Variants in PNMA6E observed in about 807,000 individuals in gnomAD.
The protein encoded by PNMA6E is PNMA family member 6E.
For synonymous variants in PNMA6E, 43 were observed against 17.1 expected, an observed-to-expected ratio of 2.52 and a Z score of -3.74; for missense variants, 78 against 50.8, an observed-to-expected ratio of 1.53 and a Z score of -1.63.
chrX:153,402,752 C>G (rs781944866), upstream of PNMA6E, among the ~76,000 whole-genome samples: 1 of 93,143 alleles, frequency 1.1e-5, no homozygotes, highest in Non-Finnish European at 2.1e-5. Context: ...TCATGTATCT[C>G]GAAACATCCT....
chrX:153,400,287 C>T (rs1383234874), intron 1 of PNMA6E, among the ~76,000 whole-genome samples: 1 of 112,522 alleles, frequency 8.9e-6, no homozygotes, highest in East Asian at 2.8e-4. Context: ...ACGCCGACAG[C>T]CTCCAGGGGG....
chrX:153,408,862 C>T, the PNMA6E span, among the ~76,000 whole-genome samples: 4 of 112,889 alleles, frequency 3.5e-5, no homozygotes, highest in African/African-American at 1.3e-4. Context: ...CACAGCCCAG[C>T]TGACCCCTGG....
intron 1 of PNMA6E, among the ~76,000 whole-genome samples, chrX:153,400,754 C>T (rs992957323): frequency 2.7e-5 from 3 of 110,021 alleles, no homozygotes; most frequent in African/African-American, 9.9e-5. Flanking sequence ...CTCCGTCCCG[C>T]CCCACGCTTG....
In PNMA6E at chrX:153,398,002, GCAGCTCCTGCCTCACCCA is replaced by G. The variant is rs1487972415; in HGVS notation, c.830_847del (p.Val277_Ala282del). The G allele has an allele frequency of 4.2e-5, 18 of 433,573 alleles. No individual in the cohort carries two copies. The highest frequency in any genetic ancestry group is 1.2e-4 in the Admixed American group (3 of 25,029). The allele number at this position is 433,573 out of a possible 1,213,427, so 35.7% of individuals were successfully genotyped here. A position where few individuals can be genotyped will look rare whatever the true frequency, so the allele number is the denominator to read the frequency against. On this transcript the variant is annotated inframe_deletion, in exon 2 of 2. Coordinates refer to ENST00000445091, the MANE Select transcript of PNMA6E (RefSeq NM_001367770.1). ...TTCACCCACAGCTCCTGCCTCACCT[GCAGCTCCTGCCTCACCCA>G]CAGCTCCTGCCTCACCTGCTGCTCC...
chrX:153,404,500 G>T (rs782548154), upstream of PNMA6E, among the ~76,000 whole-genome samples: 14 of 110,583 alleles, frequency 1.3e-4, no homozygotes, highest in South Asian at 3.9e-4. Context: ...TTGTTGTTGT[G>T]GTGGTGGTGG....
In PNMA6E at chrX:153,395,891, G is replaced by A. The variant is rs1556970082; in HGVS notation, c.*1015C>T. On this transcript the variant is annotated 3_prime_UTR_variant, in exon 2 of 2. Transcript: ENST00000445091. ...CAGTGGACTCTGGCAGTGTCCACTG[G>A]CTTCAGGGAGCCCCCTCCTGAGCCC... 1 of 111,237 alleles carries A rather than the reference G, an allele frequency of 9.0e-6. No individual in the cohort carries two copies. The highest frequency in any genetic ancestry group is 1.9e-5 in the Non-Finnish European group (1 of 52,940). 9.2% of individuals were successfully genotyped at this position (111,237 alleles called of 1,213,427 possible).
Position 153,396,221 on chromosome X carries a change from G to C in PNMA6E, c.*685C>G, listed in dbSNP as rs1247298676. The C allele has an allele frequency of 1.1e-4, 13 of 122,473 alleles. No homozygotes were observed. The highest frequency in any genetic ancestry group is 1.7e-4 in the Non-Finnish European group (9 of 53,135). 10.1% of individuals were successfully genotyped at this position (122,473 alleles called of 1,213,427 possible). ...GAGAAGAACACACGCAGCTCCACGA[G>C]AACAAGCAGCCCCTGGCCTAGATCT... On this transcript the variant is annotated 3_prime_UTR_variant, in exon 2 of 2. Coordinates refer to ENST00000445091, the MANE Select transcript of PNMA6E (RefSeq NM_001367770.1).
chrX:153,411,801 G>A, the PNMA6E span, among the ~76,000 whole-genome samples: 2 of 112,446 alleles, frequency 1.8e-5, no homozygotes, highest in Non-Finnish European at 3.8e-5. Context: ...GAGCTGCGGC[G>A]GCGGCGACAA....
chrX:153,410,620 C>T, the PNMA6E span, among the ~76,000 whole-genome samples: 1 of 112,644 alleles, frequency 8.9e-6, no homozygotes, highest in East Asian at 2.8e-4. Context: ...GTTCTGGGAG[C>T]GCAGGCTTGC....
rs1209885376 is a variant in PNMA6E at position 153,397,654 on chromosome X, C to G, written c.1196G>C (p.Arg399Thr). Residue 399 changes from arginine to threonine, a missense_variant, in exon 2 of 2, where the codon AGG (arginine) becomes ACG (threonine). By Grantham distance (71) the Arg-to-Thr change is moderately conservative. Transcript: ENST00000445091. ...CGAAGTCATTCGAGTGTCCTGGTTCCTAAATACCTGCCCCAGCGCCGCCAG... is the reference window on the plus strand; with the variant it reads ...CGAAGTCATTCGAGTGTCCTGGTTCGTAAATACCTGCCCCAGCGCCGCCAG... ...DCLAALGQVF[R>T]NQDTRMTSRL... 1 of 299,486 alleles carries G rather than the reference C, an allele frequency of 3.3e-6. No homozygotes were observed. Among genetic ancestry groups the G allele is most frequent in the African/African-American group, 2.7e-5 (1 of 36,885 alleles). The allele number at this position is 299,486 out of a possible 1,213,427, so 24.7% of individuals were successfully genotyped here.
chrX:153,400,854 G>A (rs76085856), intron 1 of PNMA6E, among the ~76,000 whole-genome samples: 12,487 of 61,429 alleles, frequency 0.2, 1,027 homozygotes, highest in East Asian at 0.44. Context: ...CAGCCCCACA[G>A]CCGGAAGCCC....
chrX:153,397,498 C>T lies in PNMA6E; in HGVS notation c.1352G>A (p.Arg451Gln), dbSNP rs970558010. The T allele has an allele frequency of 2.0e-5, 6 of 297,677 alleles. No individual in the cohort carries two copies. Among genetic ancestry groups the T allele is most frequent in the Non-Finnish European group, 2.9e-5 (5 of 170,458 alleles). The allele number at this position is 297,677 out of a possible 1,213,427, so 24.5% of individuals were successfully genotyped here. The change falls in exon 2 of 2, where the codon CGA becomes CAA. Residue 451 changes from arginine to glutamine, a missense_variant. Arg to Gln is a conservative substitution (Grantham distance 43). Transcript: ENST00000445091. ...GGCCCAAGACAGCACCTGCTGTAGT[C>T]GCAGGTAATTGGCCAAGGCTGGGCA... Reference protein sequence around the residue: ...AVCPALANYLRLQQVLSWARP... With the variant: ...AVCPALANYLQLQQVLSWARP...
intron 1 of PNMA6E, among the ~76,000 whole-genome samples, chrX:153,400,953 A>G (rs2088846437): frequency 9.2e-6 from 1 of 108,472 alleles, no homozygotes. Context: ...CCGCCCAGGG[A>G]CCCAGGGGTC....
At position 153,397,092 on chromosome X, in the gene PNMA6E, C is replaced by T. The variant is rs937655114; in HGVS notation, c.1758G>A (p.Met586Ile). The change falls in exon 2 of 2, where the codon ATG becomes ATA. Residue 586 changes from methionine (M) to isoleucine (I), a missense_variant. By Grantham distance (10) the Met-to-Ile change is conservative. Coordinates refer to ENST00000445091, the MANE Select transcript of PNMA6E (RefSeq NM_001367770.1). ...TTGGGAACACCCAGACAGCACTGCT[C>T]ATCCGGGCTGGGGAGGAGCCCCAGG... Reference protein sequence around the residue: ...EVPWGSSPARMSSAVWVFPRG... With the variant: ...EVPWGSSPARISSAVWVFPRG... The T allele has an allele frequency of 6.7e-6, 2 of 296,995 alleles. No individual in the cohort carries two copies. The highest frequency in any genetic ancestry group is 1.2e-5 in the Non-Finnish European group (2 of 170,201). 24.5% of individuals were successfully genotyped at this position (296,995 alleles called of 1,213,427 possible). A position where few individuals can be genotyped will look rare whatever the true frequency, so the allele number is the denominator to read the frequency against.
upstream of PNMA6E, among the ~76,000 whole-genome samples, chrX:153,405,766 C>T (rs910636095): frequency 9.0e-6 from 1 of 111,197 alleles, no homozygotes; most frequent in Non-Finnish European, 1.9e-5. Flanking sequence ...GTGGATCCCT[C>T]AGCCCCAATT....
upstream of PNMA6E, among the ~76,000 whole-genome samples, chrX:153,403,644 A>T (rs987810590): frequency 1.8e-5 from 2 of 109,309 alleles, no homozygotes; most frequent in African/African-American, 6.8e-5. Context: ...AGATGGGTTT[A>T]AAAAAAAATG....
chrX:153,412,250 G>T, the PNMA6E span, among the ~76,000 whole-genome samples: 2 of 112,451 alleles, frequency 1.8e-5, no homozygotes, highest in Admixed American at 9.3e-5. Flanking sequence ...AGGAGGAAGC[G>T]AAGGGCCGAT....
At chrX:153,407,208 C>A in the PNMA6E span, among the ~76,000 whole-genome samples, 1 of 112,590 alleles carries the variant, frequency 8.9e-6, no homozygotes, top group African/African-American at 3.2e-5. Flanking sequence ...GATGGCTAAG[C>A]CTTCTCCTCT....
the PNMA6E span, among the ~76,000 whole-genome samples, chrX:153,411,891 G>GCA: frequency 7.0e-3 from 783 of 111,749 alleles, 8 homozygotes; most frequent in African/African-American, 0.024. Context: ...GGGCGCCAGG[G>GCA]GAAGAGCCAT....
Sources: allele counts gnomAD v4.1 joint callset (sites outside exome capture counted in the v4.1 genomes callset), GRCh38; gene constraint gnomAD v4.1.1; transcripts MANE v1.5; gene names NCBI Gene and HGNC (gene_info 2026-07-23, HGNC 2026-07-21).